Variants in TLL2 observed in about 807,000 individuals in gnomAD.
The protein encoded by TLL2 is tolloid like 2.
Under a neutral mutation model 123.0 loss-of-function variants are expected in TLL2, and 106 were observed. That is an observed-to-expected ratio of 0.86 (90% CI 0.74 to 1.01). The LOEUF (loss-of-function observed/expected upper bound fraction) is 1.01, where lower values mean the gene tolerates loss of function less well. Ranked by LOEUF, TLL2 falls within the 50% of genes least tolerant of loss-of-function variation. TLL2 has a pLI of 0.00. For synonymous variants in TLL2, 494 were observed against 516.8 expected (o/e 0.96, Z 0.60); for missense variants, 1,332 against 1,336.7 (o/e 1.00, Z 0.06).
At chr10:96,442,273 G>A (rs897852030) in intron 3 of TLL2, among the ~76,000 whole-genome samples, 1 of 152,168 alleles carries the variant, frequency 6.6e-6, no homozygotes, top group Non-Finnish European at 1.5e-5. Context: ...GCCGAAACTG[G>A]GCGCTTCCCT....
chr10:96,500,935 G>A (rs1032977157), intron 1 of TLL2, among the ~76,000 whole-genome samples: 4 of 152,180 alleles, frequency 2.6e-5, no homozygotes, highest in Non-Finnish European at 4.4e-5. Context: ...GTATAAGAAT[G>A]TTTATTACAT....
In TLL2 at chr10:96,476,245, A is replaced by G. The variant is rs12761362; in HGVS notation, c.286+4104T>C. Reference sequence around the variant, plus strand: ...ATGTATATATATATATATATATTTTATTTTTGTTGTTGTTGTTGTTGTTGA... The same window carrying G: ...ATGTATATATATATATATATATTTTGTTTTTGTTGTTGTTGTTGTTGTTGA... On this transcript the variant is annotated intron_variant, in intron 2 of 20. Coordinates refer to ENST00000357947, the MANE Select transcript of TLL2 (RefSeq NM_012465.4). Among the ~76,000 whole-genome samples, 105 of 53,886 alleles carry G rather than the reference A, an allele frequency of 1.9e-3. 8 individuals are homozygous for G. The South Asian group carries it at 0.029, about 15-fold the overall frequency. The allele number at this position is 53,886 out of a possible 152,430, so 35.4% of individuals were successfully genotyped here. A position where few individuals can be genotyped will look rare whatever the true frequency, so the allele number is the denominator to read the frequency against.
chr10:96,482,271 A>C (rs1421793385), intron 1 of TLL2, among the ~76,000 whole-genome samples: 2 of 151,894 alleles, frequency 1.3e-5, no homozygotes, highest in South Asian at 2.1e-4. Context: ...AAAAAAAAAA[A>C]CGAAAAAACC....
chr10:96,490,648 T>C (rs1847403730), intron 1 of TLL2, among the ~76,000 whole-genome samples: 1 of 152,220 alleles, frequency 6.6e-6, no homozygotes, highest in Non-Finnish European at 1.5e-5. Flanking sequence ...GACTGAACTA[T>C]ACTTAGAAGC....
At chr10:96,468,086 C>T (rs1275311042) in intron 2 of TLL2, among the ~76,000 whole-genome samples, 3 of 152,166 alleles carry the variant, frequency 2.0e-5, no homozygotes, top group Non-Finnish European at 4.4e-5. Flanking sequence ...GGTCAGTTCA[C>T]TCGCCCATCA....
chr10:96,457,913 A>G (rs1847033188), intron 2 of TLL2, among the ~76,000 whole-genome samples: 1 of 152,216 alleles, frequency 6.6e-6, no homozygotes, highest in Non-Finnish European at 1.5e-5. Context: ...CATCATCGGC[A>G]ATGATCTCAT....
intron 3 of TLL2, among the ~76,000 whole-genome samples, chr10:96,443,169 G>A (rs1564908356): frequency 6.6e-6 from 1 of 152,150 alleles, no homozygotes; most frequent in African/African-American, 2.4e-5. Flanking sequence ...AAATATGGCC[G>A]CCAAGTCCCC....
At chr10:96,485,793 TGGTTTCCGGCTGCCTGCGCTGAGCCCTTC>T (rs1342758328) in intron 1 of TLL2, among the ~76,000 whole-genome samples, 1 of 152,190 alleles carries the variant, frequency 6.6e-6, no homozygotes, top group Non-Finnish European at 1.5e-5. Flanking sequence ...TGGTCAAAGA[TGGTTTCCGGCTGCCTGCGCTGAGCCCTTC>T]GGTTTCCCAC....
chr10:96,475,702 C>G (rs551350920), intron 2 of TLL2, among the ~76,000 whole-genome samples: 12 of 152,286 alleles, frequency 7.9e-5, no homozygotes, highest in African/African-American at 2.9e-4. Flanking sequence ...CCAGGGACCT[C>G]AGACCTCTCC....
intron 9 of TLL2, among the ~76,000 whole-genome samples, chr10:96,409,175 C>T (rs1359578574): frequency 6.6e-6 from 1 of 152,242 alleles, no homozygotes; most frequent in Non-Finnish European, 1.5e-5. Context: ...TCACTCAGCC[C>T]CTCATCCATC....
At chr10:96,476,216 T>TTTTA (rs1705943796) in intron 2 of TLL2, among the ~76,000 whole-genome samples, 1 of 33,334 alleles carries the variant, frequency 3.0e-5, no homozygotes, top group Admixed American at 4.8e-4. Flanking sequence ...CTTTTTAATT[T>TTTTA]TATATGTATA....
In TLL2 at chr10:96,373,683, T is replaced by C; in HGVS notation, c.2575A>G (p.Thr859Ala). 1.2e-6 allele frequency: 2 copies of C among 1,614,230 alleles called. No individual in the cohort carries two copies. The highest frequency in any genetic ancestry group is 1.7e-6 in the Non-Finnish European group (2 of 1,180,046). Residue 859 changes from threonine (T) to alanine (A), a missense_variant, in exon 19 of 21, where the codon ACG (threonine) becomes GCG (alanine). Transcript: ENST00000357947. ...AACATACTGCTGCCGGAAGCCACCG[T>C]GGGGTCTGGTTTCTTGCTGCCGCAG... The part of the protein sequence containing the change: ...RFCGSKKPDP[T>A]VASGSSMFLR...
chr10:96,509,292 T>C (rs1174342019), intron 1 of TLL2, among the ~76,000 whole-genome samples: 1 of 152,186 alleles, frequency 6.6e-6, no homozygotes, highest in African/African-American at 2.4e-5. Flanking sequence ...AACAGAATCA[T>C]GAACATAATA....
At chr10:96,460,782 T>C (rs986434663) in intron 2 of TLL2, among the ~76,000 whole-genome samples, 3 of 152,180 alleles carry the variant, frequency 2.0e-5, no homozygotes, top group African/African-American at 7.2e-5. Flanking sequence ...AGGTAGTTCC[T>C]TATAGCAATG....
In TLL2 at chr10:96,384,612, G is replaced by A. The variant is rs142069970; in HGVS notation, c.2169C>T (p.Arg723=). The change falls in exon 16 of 21, where the codon CGC becomes CGT. Residue 723 remains arginine, a synonymous_variant. Transcript: ENST00000357947. ...EFKSDNTVSK[R]GFRAHFFSDK... ...CTGAGAAGAAGTGGGCCCTGAAGCCGCGCTTGGAGACGGTGTTGTCGGACT... is the reference window on the plus strand; with the variant it reads ...CTGAGAAGAAGTGGGCCCTGAAGCCACGCTTGGAGACGGTGTTGTCGGACT... 1,183 of 1,601,162 alleles carry A rather than the reference G, an allele frequency of 7.4e-4. 16 individuals are homozygous for A. The East Asian group carries it at 0.021, about 28-fold the overall frequency.
intron 7 of TLL2, among the ~76,000 whole-genome samples, chr10:96,415,095 G>T (rs1029328855): frequency 2.6e-5 from 4 of 152,130 alleles, no homozygotes; most frequent in Non-Finnish European, 4.4e-5. Flanking sequence ...TGCTTAGAAC[G>T]CTTCACCAAC....
chr10:96,507,811 C>T (rs1292778737), intron 1 of TLL2, among the ~76,000 whole-genome samples: 2 of 152,212 alleles, frequency 1.3e-5, no homozygotes, highest in Non-Finnish European at 2.9e-5. Flanking sequence ...TGCCCCATTG[C>T]ATGCTGGTGT....
At chr10:96,381,048 T>C (rs1018809852) in intron 16 of TLL2, among the ~76,000 whole-genome samples, 14 of 151,894 alleles carry the variant, frequency 9.2e-5, no homozygotes, top group Non-Finnish European at 1.5e-4. Flanking sequence ...CCTCTCTCCC[T>C]TCCTTCCTCC....
At chr10:96,470,014 C>T (rs1847163889) in intron 2 of TLL2, among the ~76,000 whole-genome samples, 1 of 152,024 alleles carries the variant, frequency 6.6e-6, no homozygotes, top group African/African-American at 2.4e-5. Flanking sequence ...CTGGACACCC[C>T]CAAAGGTCTG....
Sources: gnomAD v4.1 joint callset for allele counts (sites outside exome capture counted in the v4.1 genomes callset) on GRCh38, gnomAD v4.1.1 for gene constraint, MANE v1.5 for transcripts, NCBI Gene and HGNC (gene_info 2026-07-23, HGNC 2026-07-21) for gene names.